HTRA3: variants seen among roughly 807,000 people sequenced by gnomAD.
HTRA3 encodes the protein HtrA serine peptidase 3.
HTRA3 carries 41 observed loss-of-function variants against 43.2 expected under a neutral mutation model. That is an observed-to-expected ratio of 0.95 (90% CI 0.74 to 1.23). The LOEUF is 1.23. Ranked by LOEUF, HTRA3 falls within the 50% of genes most tolerant of loss-of-function variation. HTRA3 has a pLI of 0.00. For synonymous variants in HTRA3, 295 were observed against 287.9 expected, an observed-to-expected ratio of 1.02 and a Z score of -0.25; for missense variants, 628 against 647.1, an observed-to-expected ratio of 0.97 and a Z score of 0.32.
rs1578796405 is a variant in HTRA3, at chr4:8,286,453, T to A, written c.486-108T>A. 5 of 884,362 alleles carry A rather than the reference T, an allele frequency of 5.7e-6. No individual in the cohort carries two copies. Among genetic ancestry groups the A allele is most frequent in the Non-Finnish European group, 9.2e-6 (5 of 541,632 alleles). The allele number at this position is 884,362 out of a possible 1,614,324, so 54.8% of individuals were successfully genotyped here. A position where few individuals can be genotyped will look rare whatever the true frequency, so the allele number is the denominator to read the frequency against. On this transcript the variant is annotated intron_variant, in intron 2 of 8. Coordinates refer to ENST00000307358, the MANE Select transcript of HTRA3 (RefSeq NM_053044.5). The surrounding 1 kb of genome is among the most constrained non-coding windows in gnomAD (Gnocchi z 4.9). ...TGAGGGACTCCAGACCTGTGTTCTG[T>A]CAGCCACACACTGGCTCTGCTCCTC...
rs138023600 is a variant in HTRA3, at chr4:8,274,431, G to A, written c.385+4078G>A. On this transcript the variant is annotated intron_variant, in intron 1 of 8. Transcript: ENST00000307358. ...TGTGACTGTGGGTCAATTTCTCTGCGTGATCCCCATCTCCTCCAGGCTCGA... is the reference window on the plus strand; with the variant it reads ...TGTGACTGTGGGTCAATTTCTCTGCATGATCCCCATCTCCTCCAGGCTCGA... 4.4e-3 allele frequency among the ~76,000 whole-genome samples: 673 copies of A among 152,354 alleles called. 5 individuals carry two copies. Among genetic ancestry groups the A allele is most frequent in the African/African-American group, 0.015 (625 of 41,602 alleles).
At chr4:8,285,485 G>A (rs1578795711) in intron 2 of HTRA3, among the ~76,000 whole-genome samples, 1 of 152,152 alleles carries the variant, frequency 6.6e-6, no homozygotes, top group African/African-American at 2.4e-5. Context: ...CTGCCTGCAC[G>A]TGCCAGACGT....
chr4:8,273,124 G>A (rs894591166), intron 1 of HTRA3, among the ~76,000 whole-genome samples: 6 of 152,246 alleles, frequency 3.9e-5, no homozygotes, highest in Admixed American at 6.5e-5. Context: ...TGGTCAGGAA[G>A]TGACCCGGCT....
At chr4:8,276,014 G>C (rs1444443935) in intron 1 of HTRA3, among the ~76,000 whole-genome samples, 3 of 152,332 alleles carry the variant, frequency 2.0e-5, no homozygotes, top group Middle Eastern at 3.4e-3. Flanking sequence ...CGCTGTCCTT[G>C]GTGCAGCAAA....
rs571421723 is a variant in HTRA3 at position 8,272,521 on chromosome 4, G to A, written c.385+2168G>A. On this transcript the variant is annotated intron_variant, in intron 1 of 8. Coordinates refer to ENST00000307358, the MANE Select transcript of HTRA3 (RefSeq NM_053044.5). The stretch of plus-strand genomic sequence containing the variant: ...TGAGTTTCCTCAAATGAGAAGCGGG[G>A]ACCTGCAGGAGAGCTGCTGCCAGAC... Among the ~76,000 whole-genome samples the A allele has an allele frequency of 2.0e-5, 3 of 152,318 alleles. No homozygotes were observed. In the East Asian group the frequency reaches 5.8e-4, roughly 29 times the overall value.
chr4:8,292,870 G>A (rs1342866375), intron 5 of HTRA3, among the ~76,000 whole-genome samples: 2 of 152,206 alleles, frequency 1.3e-5, no homozygotes, highest in African/African-American at 4.8e-5. Context: ...GTGTCCAGAT[G>A]TGAACAAGCC....
In HTRA3 at chr4:8,286,612, C is replaced by T. The variant is rs750148861; in HGVS notation, c.537C>T (p.Ile179=). 2 of 1,614,198 alleles carry T rather than the reference C, an allele frequency of 1.2e-6. No individual in the cohort carries two copies. Among genetic ancestry groups the T allele is most frequent in the Non-Finnish European group, 8.5e-7 (1 of 1,180,030 alleles). The part of the protein sequence containing the change: ...NVPLSSGSGF[I]MSEAGLIITN... The stretch of plus-strand genomic sequence containing the variant: ...CCCTGTCCAGCGGTTCTGGCTTCAT[C>T]ATGTCAGAGGCCGGCCTGATCATCA... The change falls in exon 3 of 9, where the codon ATC becomes ATT. Residue 179 remains isoleucine (I), a synonymous_variant. Coordinates refer to ENST00000307358, the MANE Select transcript of HTRA3 (RefSeq NM_053044.5). This position sits in a 1 kb window ranked among gnomAD's most constrained non-coding sequence, Gnocchi z 4.9.
At chr4:8,283,035 G>C (rs1712818761) in intron 2 of HTRA3, among the ~76,000 whole-genome samples, 1 of 152,206 alleles carries the variant, frequency 6.6e-6, no homozygotes, top group Non-Finnish European at 1.5e-5. Context: ...ATGCAGGGCA[G>C]TGGGGGCAGC....
At chr4:8,287,455 G>C (rs1225825642) in intron 3 of HTRA3, among the ~76,000 whole-genome samples, 1 of 152,216 alleles carries the variant, frequency 6.6e-6, no homozygotes, top group Admixed American at 6.5e-5. Context: ...AGTTCTGTAG[G>C]CTGTACAGGA....
intron 2 of HTRA3, among the ~76,000 whole-genome samples, chr4:8,283,110 G>A (rs1180850378): frequency 3.3e-5 from 5 of 152,192 alleles, no homozygotes; most frequent in Admixed American, 6.5e-5. Context: ...GTGAACGCAC[G>A]AATCAGTGCA....
At chr4:8,282,394 A>T (rs750015431) in intron 1 of HTRA3, 43 bp from the exon 2 acceptor site, 1 of 1,482,326 alleles carries the variant, frequency 6.7e-7, no homozygotes, top group Non-Finnish European at 9.3e-7. Flanking sequence ...AGCTGGCAGC[A>T]TCGTGATCTC....
chr4:8,280,550 C>T (rs953477453), intron 1 of HTRA3, among the ~76,000 whole-genome samples: 9 of 152,308 alleles, frequency 5.9e-5, no homozygotes, highest in Admixed American at 5.2e-4. Flanking sequence ...AGCTTCACCT[C>T]ACCAAGGGAG....
At position 8,305,954 on chromosome 4, in the gene HTRA3, G is replaced by C. The variant is rs531934895; in HGVS notation, c.1197-17G>C. On this transcript the variant is annotated splice_polypyrimidine_tract_variant and intron_variant, in intron 8 of 8. Coordinates refer to ENST00000307358, the MANE Select transcript of HTRA3 (RefSeq NM_053044.5). ...TGGGGAGGCGGTGGGTGGTGACCCC[G>C]TCTCTCCTGTTGGCAGAGGCGGCAT... 13 of 1,610,992 alleles carry C rather than the reference G, an allele frequency of 8.1e-6. No homozygotes were observed. The highest frequency in any genetic ancestry group is 1.1e-5 in the Non-Finnish European group (13 of 1,179,224).
rs1291686097 is a variant in HTRA3, at chr4:8,286,062, C to A, written c.486-499C>A. Among the ~76,000 whole-genome samples the A allele has an allele frequency of 6.6e-6, 1 of 152,164 alleles. No individual in the cohort carries two copies. The highest frequency in any genetic ancestry group is 1.5e-5 in the Non-Finnish European group (1 of 68,026). On this transcript the variant is annotated intron_variant, in intron 2 of 8. Transcript: ENST00000307358. The surrounding 1 kb of genome is among the most constrained non-coding windows in gnomAD (Gnocchi z 4.9). ...TGCAATGGGGCTTTTCCCCTAGGGC[C>A]AATTATTGTCCTGTTTGTTGAGAGG...
intron 3 of HTRA3, among the ~76,000 whole-genome samples, chr4:8,287,596 A>G (rs1039749245): frequency 6.6e-6 from 1 of 152,048 alleles, no homozygotes; most frequent in Non-Finnish European, 1.5e-5. Flanking sequence ...TAAAACCATC[A>G]GATCTCGTGA....
intron 6 of HTRA3, among the ~76,000 whole-genome samples, chr4:8,299,379 CTTTT>C (rs1713560509): frequency 6.6e-6 from 1 of 152,114 alleles, no homozygotes; most frequent in Non-Finnish European, 1.5e-5. Context: ...CTTCTAGAAA[CTTTT>C]TTTGTAGATT....
intron 2 of HTRA3, among the ~76,000 whole-genome samples, chr4:8,285,505 T>A (rs1441043884): frequency 6.6e-6 from 1 of 152,208 alleles, no homozygotes; most frequent in Non-Finnish European, 1.5e-5. Flanking sequence ...TTTCCATCCC[T>A]CCATACTTTG....
At chr4:8,274,900 T>A (rs1053271695) in intron 1 of HTRA3, among the ~76,000 whole-genome samples, 2 of 152,168 alleles carry the variant, frequency 1.3e-5, no homozygotes, top group African/African-American at 2.4e-5. Flanking sequence ...TCTGATGGCA[T>A]CTCCCGGTTG....
In HTRA3 at chr4:8,279,631, C is replaced by T. The variant is rs980702145; in HGVS notation, c.386-2806C>T. Among the ~76,000 whole-genome samples the T allele has an allele frequency of 3.3e-5, 5 of 152,158 alleles. No individual in the cohort carries two copies. The highest frequency in any genetic ancestry group is 1.2e-4 in the African/African-American group (5 of 41,420). The stretch of plus-strand genomic sequence containing the variant: ...AGGATGGAGACACACAGGAAGGCAG[C>T]CTTTTCTAATCACCTGTGGGAGGAG... On this transcript the variant is annotated intron_variant, in intron 1 of 8. Transcript: ENST00000307358. The surrounding 1 kb of genome is among the most constrained non-coding windows in gnomAD (Gnocchi z 7.4).
Sources: allele counts gnomAD v4.1 joint callset (sites outside exome capture counted in the v4.1 genomes callset), GRCh38; gene constraint gnomAD v4.1.1; non-coding constraint Gnocchi (gnomAD v3.1); transcripts MANE v1.5; gene names NCBI Gene and HGNC (gene_info 2026-07-23, HGNC 2026-07-21).